Variants in CHN1 observed in about 807,000 individuals in gnomAD.
The protein encoded by CHN1 is N-chimaerin.
Under a neutral mutation model 59.5 loss-of-function variants are expected in CHN1, and 37 were observed. That is an observed-to-expected ratio of 0.62 (90% CI 0.48 to 0.82). The LOEUF (loss-of-function observed/expected upper bound fraction) is 0.82, where lower values mean the gene tolerates loss of function less well. Ranked by LOEUF, CHN1 falls within the 40% of genes least tolerant of loss-of-function variation. The pLI, the probability that CHN1 is intolerant of heterozygous loss-of-function variation, is 0.00. For synonymous variants in CHN1, 206 were observed against 200.4 expected (o/e 1.03, Z -0.24); for missense variants, 469 against 571.0 (o/e 0.82, Z 1.82).
chr2:174,913,682 C>T (rs568966639), intron 5 of CHN1, among the ~76,000 whole-genome samples: 9 of 152,256 alleles, frequency 5.9e-5, no homozygotes, highest in African/African-American at 2.2e-4. Flanking sequence ...ATTATTTCAG[C>T]ATTCAGTATG....
At position 174,824,568 on chromosome 2, in the gene CHN1, G is replaced by C. The variant is rs1685619250; in HGVS notation, c.628-50C>G. 3.6e-6 allele frequency: 4 copies of C among 1,124,340 alleles called. No homozygotes were observed. The Admixed American group carries it at 6.0e-5, about 17-fold the overall frequency. 69.6% of individuals were successfully genotyped at this position (1,124,340 alleles called of 1,614,324 possible). A position where few individuals can be genotyped will look rare whatever the true frequency, so the allele number is the denominator to read the frequency against. ...GTCAGGAAAGGGGAAACACACGGAT[G>C]AGAAGACTGCTTCATATCAAAGCAC... On this transcript the variant is annotated intron_variant, in intron 7 of 12. Coordinates refer to ENST00000409900, the MANE Select transcript of CHN1 (RefSeq NM_001822.7).
At position 174,961,957 on chromosome 2, in the gene CHN1, C is replaced by T. The variant is rs529807012; in HGVS notation, c.20-9755G>A. On this transcript the variant is annotated intron_variant, in intron 1 of 12. Coordinates refer to ENST00000409900, the MANE Select transcript of CHN1 (RefSeq NM_001822.7). ...GTATTTTAAACCGTAATTTCCTTGGCATATCTAGGATATGGGATAGAGTGG... is the reference window on the plus strand; with the variant it reads ...GTATTTTAAACCGTAATTTCCTTGGTATATCTAGGATATGGGATAGAGTGG... Among the ~76,000 whole-genome samples, 37 of 152,252 alleles carry T rather than the reference C, an allele frequency of 2.4e-4. 1 individual carries two copies. The highest frequency in any genetic ancestry group is 8.2e-4 in the African/African-American group (34 of 41,546).
rs367642965 is a variant in CHN1 at position 174,999,306 on chromosome 2, A to G, written c.19+5588T>C. Among the ~76,000 whole-genome samples, 15 of 152,318 alleles carry G rather than the reference A, an allele frequency of 9.8e-5. 1 individual carries two copies. The highest frequency in any genetic ancestry group is 3.4e-4 in the African/African-American group (14 of 41,580). On this transcript the variant is annotated intron_variant, in intron 1 of 12. Transcript: ENST00000409900. The stretch of plus-strand genomic sequence containing the variant: ...AGTTCTGTGATTTCATTTAGTTTAC[A>G]TATTTCAGATAAATAAAGTCTTCTA...
Position 174,808,921 on chromosome 2 carries a change from CTT to C in CHN1, c.1084_1085del (p.Lys362ValfsTer12). The C allele has an allele frequency of 1.2e-6, 2 of 1,613,702 alleles. No homozygotes were observed. The highest frequency in any genetic ancestry group is 2.2e-5 in the East Asian group (1 of 44,822). On this transcript the variant is annotated frameshift_variant, in exon 11 of 13. Coordinates refer to ENST00000409900, the MANE Select transcript of CHN1 (RefSeq NM_001822.7). LOFTEE classifies it high-confidence loss of function. The part of the protein sequence containing the change: ...IPLITYDAYP[K>X]FIESAKIMDP... ...CATACTTACTGGCAGATTCTATAAA[CTT>C]AGGGTAGGCATCATATGTAATGAGT...
intron 6 of CHN1, among the ~76,000 whole-genome samples, chr2:174,868,426 A>C (rs962224074): frequency 1.3e-5 from 2 of 152,230 alleles, no homozygotes; most frequent in African/African-American, 4.8e-5. Context: ...ATAGGTCACA[A>C]GAAGAGACTG....
intron 1 of CHN1, among the ~76,000 whole-genome samples, chr2:174,987,294 T>C (rs1691380731): frequency 6.6e-6 from 1 of 152,176 alleles, no homozygotes; most frequent in African/African-American, 2.4e-5. Flanking sequence ...ATGGTTTTAT[T>C]ATTTCACATA....
At chr2:174,878,767 G>C (rs1558964054) in intron 5 of CHN1, among the ~76,000 whole-genome samples, 1 of 152,244 alleles carries the variant, frequency 6.6e-6, no homozygotes, top group African/African-American at 2.4e-5. Flanking sequence ...GTCTGTGCAA[G>C]AAATGTTTGA....
At chr2:174,839,937 GACATGTTCTTATCACAC>G (rs1479160606) in intron 7 of CHN1, among the ~76,000 whole-genome samples, 1 of 151,572 alleles carries the variant, frequency 6.6e-6, no homozygotes, top group African/African-American at 2.4e-5. Context: ...GATCTCATGT[GACATGTTCTTATCACAC>G]ACAAAAAAAA....
chr2:174,928,024 GT>G (rs1373105579), intron 3 of CHN1, among the ~76,000 whole-genome samples: 1 of 152,170 alleles, frequency 6.6e-6, no homozygotes, highest in African/African-American at 2.4e-5. Context: ...AAATGGCTCA[GT>G]TGTCTGGAGA....
At position 174,915,145 on chromosome 2, in the gene CHN1, G is replaced by T; in HGVS notation, c.173C>A (p.Ala58Glu). ...REFHGMISRE[A>E]ADQLLIVAEG... ...AGCCACAATCAAGAGCTGGTCGGCT[G>T]CTTCTCTGGAGATCATGCCATGAAA... The change falls in exon 5 of 13, where the codon GCA (alanine) becomes GAA (glutamate). Residue 58 changes from alanine (A) to glutamate (E), a missense_variant. Ala to Glu is a moderately radical substitution (Grantham distance 107). Coordinates refer to ENST00000409900, the MANE Select transcript of CHN1 (RefSeq NM_001822.7). The T allele has an allele frequency of 1.2e-6, 2 of 1,611,286 alleles. No individual in the cohort carries two copies. The highest frequency in any genetic ancestry group is 1.7e-6 in the Non-Finnish European group (2 of 1,178,768).
intron 5 of CHN1, among the ~76,000 whole-genome samples, chr2:174,914,735 C>T (rs1558979493): frequency 6.8e-6 from 1 of 148,068 alleles, no homozygotes; most frequent in Non-Finnish European, 1.5e-5. Flanking sequence ...CCCAGCTACT[C>T]GGGAGGCTGA....
intron 1 of CHN1, among the ~76,000 whole-genome samples, chr2:174,964,220 T>C (rs773585019): frequency 1.3e-5 from 2 of 152,168 alleles, no homozygotes; most frequent in Non-Finnish European, 2.9e-5. Flanking sequence ...ATGTTTCAAG[T>C]GACTGTTTTC....
chr2:174,815,855 A>G (rs1685234674), intron 8 of CHN1, among the ~76,000 whole-genome samples: 2 of 152,140 alleles, frequency 1.3e-5, no homozygotes, highest in Non-Finnish European at 2.9e-5. Context: ...CCTGTAGTCA[A>G]TTTGTTTAGA....
chr2:174,900,669 G>A (rs1688359434), intron 5 of CHN1, among the ~76,000 whole-genome samples: 2 of 152,148 alleles, frequency 1.3e-5, no homozygotes, highest in South Asian at 2.1e-4. Context: ...GCCGGGCGTG[G>A]TGACAGGTGC....
intron 3 of CHN1, chr2:174,920,886 C>CT: frequency 2.4e-6 from 1 of 410,566 alleles, no homozygotes; most frequent in Non-Finnish European, 5.0e-6. Context: ...GAGCCCTGAG[C>CT]TTGTTTTCCT....
chr2:174,821,852 C>T (rs913202418), intron 8 of CHN1: 4 of 354,518 alleles, frequency 1.1e-5, no homozygotes, highest in Admixed American at 6.3e-5. Flanking sequence ...CCCAAAACTC[C>T]CCATCTCAAT....
chr2:174,878,412 G>GA (rs941172347), intron 5 of CHN1, among the ~76,000 whole-genome samples: 4 of 151,966 alleles, frequency 2.6e-5, no homozygotes, highest in African/African-American at 9.7e-5. Flanking sequence ...TATACCTGTG[G>GA]AAAAAATGGG....
intron 1 of CHN1, among the ~76,000 whole-genome samples, chr2:174,975,255 A>G (rs976959211): frequency 6.6e-6 from 1 of 152,190 alleles, no homozygotes; most frequent in East Asian, 1.9e-4. Flanking sequence ...GGTTCTTTGC[A>G]TGTGTGTTTG....
chr2:174,937,617 A>G (rs1170557687), intron 3 of CHN1, among the ~76,000 whole-genome samples: 1 of 151,952 alleles, frequency 6.6e-6, no homozygotes, highest in Non-Finnish European at 1.5e-5. Context: ...TCCAAATCTC[A>G]TGTTGAAATA....
Sources: allele counts gnomAD v4.1 joint callset (sites outside exome capture counted in the v4.1 genomes callset), GRCh38; gene constraint gnomAD v4.1.1; transcripts MANE v1.5; gene names NCBI Gene and HGNC (gene_info 2026-07-23, HGNC 2026-07-21).